The following GMCL1 variants were observed in gnomAD, a reference collection of about 807,000 sequenced individuals.
The protein encoded by GMCL1 is germ cell-less protein-like 1.
In GMCL1, 54 loss-of-function variants were observed where a neutral mutation model predicts 75.5. The observed-to-expected ratio is 0.71, with a 90% CI of 0.57 to 0.90. GMCL1 has a LOEUF of 0.90. Ranked by LOEUF, GMCL1 falls within the 40% of genes least tolerant of loss-of-function variation. GMCL1 has a pLI of 0.00. For missense variants in GMCL1, 537 were observed against 622.7 expected (o/e 0.86, Z 1.47); for synonymous variants, 210 against 209.6 (o/e 1.00, Z -0.02).
At chr2:69,850,219 G>C (rs928056981) in intron 8 of GMCL1, among the ~76,000 whole-genome samples, 3 of 152,166 alleles carry the variant, frequency 2.0e-5, no homozygotes, top group African/African-American at 4.8e-5. Context: ...ACATTTGTGA[G>C]AGGAGAGCTT....
At position 69,869,840 on chromosome 2, in the gene GMCL1, A is replaced by G. The variant is rs781186234; in HGVS notation, c.1340A>G (p.Gln447Arg). ...NQPCSGSVSL[Q>R]PRRSIAFRLR... The stretch of plus-strand genomic sequence containing the variant: ...CCATGTAGCGGATCTGTCAGTTTAC[A>G]GCCTCGAAGGAGCATAGCATTTAGG... The change falls in exon 12 of 14, where the codon CAG becomes CGG. Residue 447 changes from glutamine to arginine, a missense_variant. By Grantham distance (43) the Gln-to-Arg change is conservative. This residue lies in a region of GMCL1 where 345 missense variants were observed against 410.5 expected (regional missense o/e 0.84). Transcript: ENST00000282570. 2 of 1,614,010 alleles carry G rather than the reference A, an allele frequency of 1.2e-6. No homozygotes were observed. The highest frequency in any genetic ancestry group is 1.1e-5 in the South Asian group (1 of 91,076).
intron 11 of GMCL1, among the ~76,000 whole-genome samples, chr2:69,866,884 C>T (rs1183042570): frequency 6.6e-6 from 1 of 152,140 alleles, no homozygotes; most frequent in Non-Finnish European, 1.5e-5. Context: ...AATTCTCCTA[C>T]TATACCACCT....
chr2:69,838,564 G>A (rs1376937946), intron 2 of GMCL1, among the ~76,000 whole-genome samples: 1 of 152,086 alleles, frequency 6.6e-6, no homozygotes, highest in African/African-American at 2.4e-5. Context: ...AAATTTTTCA[G>A]TAAAAGTATT....
intron 1 of GMCL1, among the ~76,000 whole-genome samples, chr2:69,831,895 A>G (rs1361182409): frequency 6.6e-6 from 1 of 152,188 alleles, no homozygotes; most frequent in Non-Finnish European, 1.5e-5. Flanking sequence ...GGTGTGAGCC[A>G]CCATTGCCAA....
chr2:69,857,068 A>G (rs1214495786), intron 9 of GMCL1, among the ~76,000 whole-genome samples: 1 of 152,102 alleles, frequency 6.6e-6, no homozygotes, highest in Non-Finnish European at 1.5e-5. Context: ...AGCATCAGAA[A>G]CCTGGTAGTT....
chr2:69,859,260 T>C (rs1675569371), intron 9 of GMCL1, among the ~76,000 whole-genome samples: 1 of 151,780 alleles, frequency 6.6e-6, no homozygotes, highest in Non-Finnish European at 1.5e-5. Flanking sequence ...AAATGCCATA[T>C]GCTATCTCTA....
chr2:69,830,267 C>T (rs1003741778), intron 1 of GMCL1, 115 bp downstream of exon 1: 2 of 1,335,386 alleles, frequency 1.5e-6, no homozygotes, highest in Admixed American at 2.6e-5. Context: ...GGAGAGGGGA[C>T]GTGCCCTTGA....
chr2:69,873,018 G>A (rs1439192119), intron 13 of GMCL1, among the ~76,000 whole-genome samples: 2 of 152,218 alleles, frequency 1.3e-5, no homozygotes, highest in African/African-American at 4.8e-5. Flanking sequence ...CCTAGTGTAA[G>A]TAGCATGATA....
chr2:69,866,262 A>G (rs1432034322), intron 11 of GMCL1, among the ~76,000 whole-genome samples: 1 of 152,064 alleles, frequency 6.6e-6, no homozygotes, highest in Non-Finnish European at 1.5e-5. Context: ...AAAAAAAAAA[A>G]AACTGATTGT....
At chr2:69,837,268 CAT>C (rs1347644768) in intron 1 of GMCL1, among the ~76,000 whole-genome samples, 3 of 152,114 alleles carry the variant, frequency 2.0e-5, no homozygotes, top group South Asian at 2.1e-4. Context: ...ATTGCTAAAA[CAT>C]GTGTAGTGAA....
At chr2:69,870,009 C>T (rs1461676227) in intron 12 of GMCL1, 145 bp downstream of exon 12, 14 of 711,080 alleles carry the variant, frequency 2.0e-5, no homozygotes, top group Non-Finnish European at 3.0e-5. Flanking sequence ...GGCTCCATTC[C>T]TGTGAAATCT....
Position 69,829,669 on chromosome 2 carries a change from C to A in GMCL1, c.-224C>A, listed in dbSNP as rs1674608444. On this transcript the variant is annotated 5_prime_UTR_variant, in exon 1 of 14. Transcript: ENST00000282570. ...GCGCCCTCCGTCCCGCGCTTTGTTG[C>A]GAAAGCGAGGGGGCGAGGTGCTGCG... The A allele has an allele frequency of 3.8e-6, 2 of 525,234 alleles. No homozygotes were observed. The highest frequency in any genetic ancestry group is 2.0e-5 in the African/African-American group (1 of 49,216). The allele number at this position is 525,234 out of a possible 1,614,324, so 32.5% of individuals were successfully genotyped here. A position where few individuals can be genotyped will look rare whatever the true frequency, so the allele number is the denominator to read the frequency against.
chr2:69,864,891 T>C lies in GMCL1; in HGVS notation c.1143-9T>C. 6.3e-7 allele frequency: 1 copy of C among 1,580,606 alleles called. No homozygotes were observed. The highest frequency in any genetic ancestry group is 8.7e-7 in the Non-Finnish European group (1 of 1,150,844). ...TCTATGAACGTTCATATTTTATGTA[T>C]ATTTTTAGGCCTCAAGAAATCAATA... is the stretch of plus-strand genomic sequence containing the variant. On this transcript the variant is annotated splice_polypyrimidine_tract_variant and intron_variant, in intron 10 of 13. Transcript: ENST00000282570.
intron 6 of GMCL1, 131 bp from the exon 7 acceptor site, chr2:69,847,412 G>T: frequency 1.4e-6 from 1 of 707,168 alleles, no homozygotes; most frequent in African/African-American, 1.8e-5. Context: ...TCTTTGTCTT[G>T]GGCAGAAGGA....
chr2:69,869,367 A>G (rs1396304943), intron 11 of GMCL1, among the ~76,000 whole-genome samples: 2 of 148,734 alleles, frequency 1.3e-5, no homozygotes, highest in Admixed American at 6.8e-5. Context: ...GCAGTGAGCC[A>G]AGATCATGCC....
At chr2:69,852,272 A>G (rs1192152614) in intron 8 of GMCL1, among the ~76,000 whole-genome samples, 1 of 152,232 alleles carries the variant, frequency 6.6e-6, no homozygotes, top group Non-Finnish European at 1.5e-5. Context: ...CAGAAACTAG[A>G]GAAGCAAGCT....
At chr2:69,866,549 G>C (rs1040961084) in intron 11 of GMCL1, among the ~76,000 whole-genome samples, 11 of 152,120 alleles carry the variant, frequency 7.2e-5, no homozygotes, top group African/African-American at 2.7e-4. Context: ...GCTCACTGCA[G>C]CCTCAATGCT....
At chr2:69,859,838 G>C (rs1245077333) in intron 9 of GMCL1, among the ~76,000 whole-genome samples, 1 of 150,640 alleles carries the variant, frequency 6.6e-6, no homozygotes, top group Non-Finnish European at 1.5e-5. Flanking sequence ...TAGAGACCTA[G>C]GAAGTGACAA....
chr2:69,869,645 G>A (rs552124584), intron 11 of GMCL1, 74 bp from the exon 12 acceptor site: 1 of 1,451,836 alleles, frequency 6.9e-7, no homozygotes. Flanking sequence ...GAGACAAAAA[G>A]ACATTTTGAA....
Sources: gnomAD v4.1 joint callset for allele counts (sites outside exome capture counted in the v4.1 genomes callset) on GRCh38, gnomAD v4.1.1 for gene constraint, gnomAD v4.1.1 regional missense constraint, MANE v1.5 for transcripts, NCBI Gene and HGNC (gene_info 2026-07-23, HGNC 2026-07-21) for gene names.